SDK2: variants seen among roughly 807,000 people sequenced by gnomAD.
The protein encoded by SDK2 is protein sidekick-2.
A neutral mutation model predicts 253.9 loss-of-function variants in SDK2; 105 were observed. The ratio of observed to expected loss-of-function variants is 0.41; its 90% CI spans 0.35 to 0.49. The LOEUF (loss-of-function observed/expected upper bound fraction) is 0.49, where lower values mean the gene tolerates loss of function less well. SDK2 is among the 20% of genes least tolerant of loss of function. The pLI is 0.06. For missense variants in SDK2, 2,608 were observed against 3,003.0 expected (o/e 0.87, Z 3.07); for synonymous variants, 1,249 against 1,234.9 (o/e 1.01, Z -0.24).
At position 73,456,321 on chromosome 17, in the gene SDK2, A is replaced by G. The variant is rs147746032; in HGVS notation, c.332-268T>C. ...TGAGAGGTTGGTCATCATTTCACACATTTTACAATGGAAAAAACTGCTCAA... is the reference window on the plus strand; with the variant it reads ...TGAGAGGTTGGTCATCATTTCACACGTTTTACAATGGAAAAAACTGCTCAA... On this transcript the variant is annotated intron_variant, in intron 3 of 44. Transcript: ENST00000392650. Among the ~76,000 whole-genome samples the G allele has an allele frequency of 8.6e-3, 1,307 of 152,206 alleles. 9 individuals carry two copies. Among genetic ancestry groups the G allele is most frequent in the Non-Finnish European group, 0.014 (944 of 68,008 alleles).
At chr17:73,529,805 C>A (rs574187065) in intron 1 of SDK2, among the ~76,000 whole-genome samples, 1 of 152,290 alleles carries the variant, frequency 6.6e-6, no homozygotes, top group East Asian at 1.9e-4. Context: ...CCAGAAGGAA[C>A]CCGCTGGGCT....
At chr17:73,469,906 C>T (rs1175052078) in intron 3 of SDK2, among the ~76,000 whole-genome samples, 1 of 151,810 alleles carries the variant, frequency 6.6e-6, no homozygotes, top group Non-Finnish European at 1.5e-5. Flanking sequence ...CTCCTATGAG[C>T]CAAGGGCTTG....
At chr17:73,593,408 C>T (rs1267106451) in intron 1 of SDK2, among the ~76,000 whole-genome samples, 1 of 152,176 alleles carries the variant, frequency 6.6e-6, no homozygotes, top group East Asian at 1.9e-4. Flanking sequence ...TGCAGGAAAC[C>T]CCCACCCAAA....
chr17:73,516,740 C>T (rs1439108487), intron 1 of SDK2: 1 of 152,284 alleles, frequency 6.6e-6, no homozygotes, highest in African/African-American at 2.4e-5. Flanking sequence ...CGTTGGGAGC[C>T]TGGGATGGTG....
At chr17:73,393,177 G>A (rs1462140445) in intron 27 of SDK2, among the ~76,000 whole-genome samples, 1 of 149,588 alleles carries the variant, frequency 6.7e-6, no homozygotes, top group East Asian at 2.0e-4. Context: ...CCTGGGAGGC[G>A]GAGGTTGTAG....
chr17:73,560,868 G>A (rs919511351), intron 1 of SDK2, among the ~76,000 whole-genome samples: 8 of 152,184 alleles, frequency 5.3e-5, no homozygotes, highest in East Asian at 3.9e-4. Flanking sequence ...CAGGCTCCTC[G>A]ACCAGTGGGT....
Position 73,391,483 on chromosome 17 carries a change from C to A in SDK2, c.3954G>T (p.Arg1318=). The A allele has an allele frequency of 5.3e-6, 7 of 1,310,320 alleles. No individual in the cohort carries two copies. Among genetic ancestry groups the A allele is most frequent in the Non-Finnish European group, 6.9e-6 (7 of 1,021,046 alleles). The allele number at this position is 1,310,320 out of a possible 1,614,324, so 81.2% of individuals were successfully genotyped here. The change falls in exon 28 of 45, where the codon CGG becomes CGT. Residue 1318 remains arginine, a synonymous_variant. Coordinates refer to ENST00000392650, the MANE Select transcript of SDK2 (RefSeq NM_001144952.2). ...GGGCGGCAGGGGGCTGCCAGATCAG[C>A]CGCACAGACGTGGTCCGCACCTCTG... is the stretch of plus-strand genomic sequence containing the variant. ...LFPEVRTTSV[R]LIWQPPAAPN...
rs1308066359 is a variant in SDK2, at chr17:73,336,087, T to C, written c.*2500A>G. On this transcript the variant is annotated 3_prime_UTR_variant, in exon 45 of 45. Transcript: ENST00000392650. ...TGCTTCCTCCCAAATAATCCCTCAC[T>C]GGGCTGGGCTTAAATAATTCCCTAA... The C allele has an allele frequency of 6.6e-6, 1 of 151,350 alleles. No individual in the cohort carries two copies. The highest frequency in any genetic ancestry group is 2.4e-5 in the African/African-American group (1 of 41,070). 9.4% of individuals were successfully genotyped at this position (151,350 alleles called of 1,614,324 possible). A position where few individuals can be genotyped will look rare whatever the true frequency, so the allele number is the denominator to read the frequency against.
intron 25 of SDK2, among the ~76,000 whole-genome samples, chr17:73,394,744 A>T (rs772183382): frequency 6.6e-6 from 1 of 152,146 alleles, no homozygotes; most frequent in Non-Finnish European, 1.5e-5. Context: ...TCTGTGGGTC[A>T]CCCCTGGGCA....
rs1260718976 is a variant in SDK2, at chr17:73,463,152, C to T, written c.332-7099G>A. Among the ~76,000 whole-genome samples, 2 of 152,178 alleles carry T rather than the reference C, an allele frequency of 1.3e-5. 1 individual carries two copies. Among genetic ancestry groups the T allele is most frequent in the Non-Finnish European group, 2.9e-5 (2 of 68,026 alleles). ...AAGGCAAAAACAGTTAAGGGCTTGC[C>T]ACACTGACTCCCCGAGGTACCTGCT... On this transcript the variant is annotated intron_variant, in intron 3 of 44. Coordinates refer to ENST00000392650, the MANE Select transcript of SDK2 (RefSeq NM_001144952.2).
chr17:73,592,445 C>G (rs944519962), intron 1 of SDK2, among the ~76,000 whole-genome samples: 17 of 151,322 alleles, frequency 1.1e-4, no homozygotes, highest in African/African-American at 3.6e-4. Context: ...GGGAAAGAGT[C>G]TCCAGCTTTT....
chr17:73,633,400 T>A (rs2046292807), intron 1 of SDK2, among the ~76,000 whole-genome samples: 1 of 152,226 alleles, frequency 6.6e-6, no homozygotes, highest in Non-Finnish European at 1.5e-5. Context: ...CCACCCTCCT[T>A]ACCATGAGTG....
chr17:73,424,609 C>T (rs11870884), intron 12 of SDK2, among the ~76,000 whole-genome samples: 36,048 of 152,142 alleles, frequency 0.24, 5,518 homozygotes, highest in Admixed American at 0.36. Context: ...AAATTACACA[C>T]GCATCAGTGC....
chr17:73,424,739 C>A (rs960811019), intron 12 of SDK2, among the ~76,000 whole-genome samples: 1 of 152,192 alleles, frequency 6.6e-6, no homozygotes, highest in Non-Finnish European at 1.5e-5. Context: ...TGAACCCAGG[C>A]GAGGTTGGCC....
chr17:73,586,472 G>T (rs186543341), intron 1 of SDK2, among the ~76,000 whole-genome samples: 1 of 151,958 alleles, frequency 6.6e-6, no homozygotes, highest in Non-Finnish European at 1.5e-5. Flanking sequence ...CAGTGTACTC[G>T]CCATAAATTA....
intron 1 of SDK2, among the ~76,000 whole-genome samples, chr17:73,575,947 G>A (rs1000629137): frequency 8.5e-5 from 13 of 152,164 alleles, no homozygotes; most frequent in African/African-American, 2.7e-4. Flanking sequence ...ATTCCACACC[G>A]TCTGCAGCCC....
In SDK2 at chr17:73,394,385, A is replaced by G. The variant is rs558834879; in HGVS notation, c.3593-61T>C. ...GACCCAACGTTGACTGTGCAAGGGA[A>G]GTGGACCAGGACAGGGGGCCGAGGG... On this transcript the variant is annotated intron_variant, in intron 25 of 44. Coordinates refer to ENST00000392650, the MANE Select transcript of SDK2 (RefSeq NM_001144952.2). The G allele has an allele frequency of 1.9e-4, 222 of 1,163,406 alleles. No individual in the cohort carries two copies. The African/African-American group carries it at 3.1e-3, about 16-fold the overall frequency. 72.1% of individuals were successfully genotyped at this position (1,163,406 alleles called of 1,614,324 possible). A position where few individuals can be genotyped will look rare whatever the true frequency, so the allele number is the denominator to read the frequency against.
At chr17:73,426,661 A>G (rs2063286582) in intron 12 of SDK2, among the ~76,000 whole-genome samples, 1 of 152,172 alleles carries the variant, frequency 6.6e-6, no homozygotes, top group Admixed American at 6.5e-5. Flanking sequence ...TTTAATACCT[A>G]TTTACAAATC....
chr17:73,411,130 G>T (rs1217320631), intron 18 of SDK2, among the ~76,000 whole-genome samples: 2 of 152,102 alleles, frequency 1.3e-5, no homozygotes, highest in South Asian at 2.1e-4. Context: ...GAATTCAGCT[G>T]CTGCTCCCTG....
Sources: gnomAD v4.1 joint callset for allele counts (sites outside exome capture counted in the v4.1 genomes callset) on GRCh38, gnomAD v4.1.1 for gene constraint, MANE v1.5 for transcripts, NCBI Gene and HGNC (gene_info 2026-07-23, HGNC 2026-07-21) for gene names.